FCSK: variants seen among roughly 807,000 people sequenced by gnomAD.
The protein encoded by FCSK is L-fucose kinase.
FCSK carries 123 observed loss-of-function variants against 122.5 expected under a neutral mutation model. That is an observed-to-expected ratio of 1.00 (90% confidence interval 0.87 to 1.17). FCSK has a LOEUF of 1.17. Ranked by LOEUF, FCSK falls within the 50% of genes most tolerant of loss-of-function variation. The pLI is 0.00. For synonymous variants in FCSK, 620 were observed against 625.5 expected (o/e 0.99, Z 0.13); for missense variants, 1,366 against 1,450.4 (o/e 0.94, Z 0.95).
At position 70,474,781 on chromosome 16, in the gene FCSK, C is replaced by T. The variant is rs771936112; in HGVS notation, c.2156-9C>T. 2 of 1,561,236 alleles carry T rather than the reference C, an allele frequency of 1.3e-6. No homozygotes were observed. Among genetic ancestry groups the T allele is most frequent in the Non-Finnish European group, 1.7e-6 (2 of 1,151,852 alleles). ...TGTGACCAGCTTGAGTCTTGCCACA[C>T]TGCCATAGGGGGCTGGAGTGACACG... On this transcript the variant is annotated splice_polypyrimidine_tract_variant and intron_variant, in intron 17 of 23. Transcript: ENST00000288078.
rs1567687618 is a variant in FCSK, at chr16:70,454,649, G to GTCGCCGCAGCGCCCCTT, written c.-23+20_-23+36dup. 1 of 151,828 alleles carries GTCGCCGCAGCGCCCCTT rather than the reference G, an allele frequency of 6.6e-6. No individual in the cohort carries two copies. The highest frequency in any genetic ancestry group is 1.5e-5 in the Non-Finnish European group (1 of 68,022). 9.4% of individuals were successfully genotyped at this position (151,828 alleles called of 1,614,324 possible). ...ACGGCAGGTACGTCAGTCCGCGAGG[G>GTCGCCGCAGCGCCCCTT]TCGCCGCAGCGCCCCTTGCGCCCCT... is the stretch of plus-strand genomic sequence containing the variant. On this transcript the variant is annotated intron_variant, in intron 1 of 23. Coordinates refer to ENST00000288078, the MANE Select transcript of FCSK (RefSeq NM_145059.3).
chr16:70,468,620 G>A (rs2048503991), intron 8 of FCSK, among the ~76,000 whole-genome samples: 1 of 152,156 alleles, frequency 6.6e-6, no homozygotes, highest in East Asian at 1.9e-4. Context: ...CGAGGGTGGA[G>A]AACTGGGTTC....
At chr16:70,458,155 C>T in intron 1 of FCSK, among the ~76,000 whole-genome samples, 1 of 148,390 alleles carries the variant, frequency 6.7e-6, no homozygotes, top group Non-Finnish European at 1.5e-5. Flanking sequence ...TTTTTTCTTT[C>T]TTTCTTTCTT....
rs376599756 is a variant in FCSK at position 70,472,705 on chromosome 16, G to A, written c.1406+100G>A. ...CCCCTGCCCCAGAGCAGCACGGGCC[G>A]TGTTACCATCCAGGGGCCTGGGTGG... On this transcript the variant is annotated intron_variant, in intron 14 of 23. Coordinates refer to ENST00000288078, the MANE Select transcript of FCSK (RefSeq NM_145059.3). 16 of 1,014,580 alleles carry A rather than the reference G, an allele frequency of 1.6e-5. No homozygotes were observed. The South Asian group carries it at 1.9e-4, about 12-fold the overall frequency. 62.8% of individuals were successfully genotyped at this position (1,014,580 alleles called of 1,614,324 possible). A position where few individuals can be genotyped will look rare whatever the true frequency, so the allele number is the denominator to read the frequency against.
In FCSK at chr16:70,475,652, C is replaced by G. The variant is rs1271790497; in HGVS notation, c.2526C>G (p.Thr842=). The G allele has an allele frequency of 2.5e-6, 4 of 1,594,878 alleles. No homozygotes were observed. In the South Asian group the frequency reaches 4.5e-5, roughly 18 times the overall value. ...SELPHGSGLG[T]SSILAGTALA... is the part of the protein sequence containing the mutation. ...TCTCTCCTCTCCGCCCTGCAGGCAC[C>G]AGCAGCATCCTGGCAGGCACTGCCC... Residue 842 remains threonine (T), a synonymous_variant, in exon 20 of 24, where the codon ACC becomes ACG. Transcript: ENST00000288078.
Position 70,473,184 on chromosome 16 carries a change from CCTGGATCGGGCTGCCACG to C in FCSK, c.1613_1630del (p.Asp538_Leu543del), listed in dbSNP as rs753962292. On this transcript the variant is annotated inframe_deletion, in exon 15 of 24. Coordinates refer to ENST00000288078, the MANE Select transcript of FCSK (RefSeq NM_145059.3). The surrounding 1 kb of genome is among the most constrained non-coding windows in gnomAD (Gnocchi z 4.9). ...TGTCCTGGGAGCAGCTGCAGCCGTG[CCTGGATCGGGCTGCCACG>C]CTGGCCTCTCGCCGGGACCTGTTCT... The C allele has an allele frequency of 1.2e-5, 18 of 1,540,194 alleles. No individual in the cohort carries two copies. The highest frequency in any genetic ancestry group is 1.6e-5 in the Non-Finnish European group (18 of 1,146,780).
rs577154807 is a variant in FCSK, at chr16:70,473,278, C to T, written c.1702C>T (p.Leu568Phe). 327 of 1,529,908 alleles carry T rather than the reference C, an allele frequency of 2.1e-4. No homozygotes were observed. Among genetic ancestry groups the T allele is most frequent in the Non-Finnish European group, 2.8e-4 (321 of 1,140,696 alleles). The allele number at this position is 1,529,908 out of a possible 1,614,324, so 94.8% of individuals were successfully genotyped here. ...ARHVLEARQD[L>F]SLRPLIWAAV... ...GCACGTGCTGGAGGCCCGGCAGGACCTCAGCCTGCGCCCGCTGATCTGGGC... is the reference window on the plus strand; with the variant it reads ...GCACGTGCTGGAGGCCCGGCAGGACTTCAGCCTGCGCCCGCTGATCTGGGC... Residue 568 changes from leucine to phenylalanine, a missense_variant, in exon 15 of 24, where the codon CTC (leucine) becomes TTC (phenylalanine). Transcript: ENST00000288078. This position sits in a 1 kb window ranked among gnomAD's most constrained non-coding sequence, Gnocchi z 4.9.
intron 14 of FCSK, 146 bp downstream of exon 14, chr16:70,472,751 T>C: frequency 1.2e-6 from 1 of 808,854 alleles, no homozygotes; most frequent in Non-Finnish European, 1.9e-6. Flanking sequence ...CCGGATTCTC[T>C]CCAGTACTTT....
chr16:70,470,876 C>G, intron 11 of FCSK, 95 bp from the exon 12 acceptor site: 1 of 1,111,630 alleles, frequency 9.0e-7, no homozygotes. Flanking sequence ...AGCAGTAGGC[C>G]TGGACGCTTT....
Position 70,475,764 on chromosome 16 carries a change from A to G in FCSK, c.2638A>G (p.Thr880Ala). ...AVLHLEQVLTTGGGWQDQVGG... is the reference protein window; with the variant it reads ...AVLHLEQVLTAGGGWQDQVGG... ...GCTGCACCTGGAGCAGGTGCTCACCACTGGTATGTGACTGCCCTGGAGTTG... is the reference window on the plus strand; with the variant it reads ...GCTGCACCTGGAGCAGGTGCTCACCGCTGGTATGTGACTGCCCTGGAGTTG... The change falls in exon 20 of 24, where the codon ACT becomes GCT. Residue 880 changes from threonine (T) to alanine (A), a missense_variant. By Grantham distance (58) the Thr-to-Ala change is moderately conservative. Coordinates refer to ENST00000288078, the MANE Select transcript of FCSK (RefSeq NM_145059.3). 6.3e-7 allele frequency: 1 copy of G among 1,577,436 alleles called. No homozygotes were observed. The highest frequency in any genetic ancestry group is 8.6e-7 in the Non-Finnish European group (1 of 1,159,636).
chr16:70,455,337 A>AG (rs2048057105), intron 1 of FCSK, among the ~76,000 whole-genome samples: 2 of 152,180 alleles, frequency 1.3e-5, no homozygotes, highest in South Asian at 4.1e-4. Context: ...AAGTGGGTAG[A>AG]GGCTGGGCGC....
rs17878580 is a variant in FCSK at position 70,470,138 on chromosome 16, C to T, written c.956-176C>T. On this transcript the variant is annotated intron_variant, in intron 10 of 23. Coordinates refer to ENST00000288078, the MANE Select transcript of FCSK (RefSeq NM_145059.3). ...GATTACAGGCGTGAGCCACTGTGCC[C>T]GGCCAACCTGTCTACTTTCTAGCTG... Among the ~76,000 whole-genome samples, 496 of 152,316 alleles carry T rather than the reference C, an allele frequency of 3.3e-3. 1 individual carries two copies. The highest frequency in any genetic ancestry group is 0.011 in the African/African-American group (466 of 41,576).
At chr16:70,469,410 A>G in intron 10 of FCSK, 87 bp downstream of exon 10, 1 of 1,318,334 alleles carries the variant, frequency 7.6e-7, no homozygotes, top group Non-Finnish European at 1.0e-6. Flanking sequence ...ATGCTGGGCC[A>G]GGCAGCCCAG....
chr16:70,459,341 A>C (rs1341863289), intron 1 of FCSK, among the ~76,000 whole-genome samples: 1 of 152,164 alleles, frequency 6.6e-6, no homozygotes, highest in Non-Finnish European at 1.5e-5. Context: ...GTTTGAGACC[A>C]GCCTGGCCAA....
intron 1 of FCSK, among the ~76,000 whole-genome samples, chr16:70,456,058 G>T (rs1161143340): frequency 6.6e-6 from 1 of 152,146 alleles, no homozygotes; most frequent in East Asian, 1.9e-4. Context: ...CATAGTCCCA[G>T]CTACTTGGGA....
At chr16:70,463,501 G>A in intron 2 of FCSK, 122 bp from the exon 3 acceptor site, 1 of 1,283,104 alleles carries the variant, frequency 7.8e-7, no homozygotes, top group East Asian at 2.3e-5. Flanking sequence ...AGATCTAGTG[G>A]CCTCCTACAT....
chr16:70,479,673 TC>T lies in FCSK; in HGVS notation c.3251del (p.Pro1084HisfsTer116), dbSNP rs2048938503. ...ACCGAGGCCTCAACCTGTTGCCCTT[TC>T]CCATGAAGCTGGCTTCTCTCTGCAA... ...LGTEASTCCP[F>X]P On this transcript the variant is annotated frameshift_variant, in exon 24 of 24. Transcript: ENST00000288078. LOFTEE classifies it high-confidence loss of function. 6.2e-7 allele frequency: 1 copy of T among 1,613,512 alleles called. No individual in the cohort carries two copies. The highest frequency in any genetic ancestry group is 1.3e-5 in the African/African-American group (1 of 74,892).
rs759511820 is a variant in FCSK at position 70,479,350 on chromosome 16, A to T, written c.3100A>T (p.Thr1034Ser). ...AGGGGFLYLL[T>S]KEPQQKEALE... ...CGGTGGAGGCTTTCTCTATCTGTTG[A>T]CCAAGGAGCCACAGCAAAAGGAGGC... The change falls in exon 23 of 24, where the codon ACC becomes TCC. Residue 1034 changes from threonine to serine, a missense_variant. Physicochemically the swap from Thr to Ser is moderately conservative, Grantham distance 58 (BLOSUM62 1). Coordinates refer to ENST00000288078, the MANE Select transcript of FCSK (RefSeq NM_145059.3). 1.2e-6 allele frequency: 2 copies of T among 1,613,748 alleles called. No homozygotes were observed. Among genetic ancestry groups the T allele is most frequent in the Non-Finnish European group, 8.5e-7 (1 of 1,180,010 alleles).
chr16:70,461,786 G>T (rs1364835861), intron 1 of FCSK, among the ~76,000 whole-genome samples: 1 of 152,172 alleles, frequency 6.6e-6, no homozygotes, highest in Non-Finnish European at 1.5e-5. Context: ...CCTCCTTCCT[G>T]GGCACACTCC....
Sources: allele counts gnomAD v4.1 joint callset (sites outside exome capture counted in the v4.1 genomes callset), GRCh38; gene constraint gnomAD v4.1.1; non-coding constraint Gnocchi (gnomAD v3.1); transcripts MANE v1.5; gene names NCBI Gene and HGNC (gene_info 2026-07-23, HGNC 2026-07-21).